Variants in TRDMT1 observed in about 807,000 individuals in gnomAD.
The protein encoded by TRDMT1 is tRNA aspartic acid methyltransferase 1.
A neutral mutation model predicts 51.2 loss-of-function variants in TRDMT1; 49 were observed. The ratio of observed to expected loss-of-function variants is 0.96; its 90% CI spans 0.76 to 1.21. The LOEUF (loss-of-function observed/expected upper bound fraction) is 1.21, where lower values mean the gene tolerates loss of function less well. TRDMT1 is among the 50% of genes most tolerant of loss of function. TRDMT1 has a pLI of 0.00. For synonymous variants in TRDMT1, 187 were observed against 164.6 expected, an observed-to-expected ratio of 1.14 and a Z score of -1.04; for missense variants, 534 against 462.3, an observed-to-expected ratio of 1.16 and a Z score of -1.42.
chr10:17,157,456 A>G lies in TRDMT1; in HGVS notation c.872T>C (p.Val291Ala). The G allele has an allele frequency of 7.5e-6, 12 of 1,607,628 alleles. No homozygotes were observed. The highest frequency in any genetic ancestry group is 9.4e-6 in the Non-Finnish European group (11 of 1,174,674). Residue 291 changes from valine to alanine, a missense_variant, in exon 8 of 11, where the codon GTG becomes GCG. By Grantham distance (64) the Val-to-Ala change is moderately conservative. Coordinates refer to ENST00000377799, the MANE Select transcript of TRDMT1 (RefSeq NM_004412.7). ...TAAAACCTACCCTTTGGTAAAGCAC[A>G]CGGACCTTCTACAAGTGGGCTGAAC... is the stretch of plus-strand genomic sequence containing the variant. ...DIVQPTCRRSVCFTKGYGSYI... is the reference protein window; with the variant it reads ...DIVQPTCRRSACFTKGYGSYI...
chr10:17,151,071 A>C (rs1838653329), intron 10 of TRDMT1: 1 of 910,660 alleles, frequency 1.1e-6, no homozygotes, highest in African/African-American at 1.8e-5. Flanking sequence ...GTTGGTGCAA[A>C]AGCATTGCAG....
chr10:17,155,637 T>C (rs1207131486), intron 8 of TRDMT1, among the ~76,000 whole-genome samples: 4 of 152,174 alleles, frequency 2.6e-5, no homozygotes, highest in Admixed American at 2.6e-4. Context: ...ACTTCAGAAA[T>C]GCAAGTCATT....
chr10:17,153,474 A>G (rs1340252719), intron 10 of TRDMT1, 33 bp downstream of exon 10: 3 of 1,609,738 alleles, frequency 1.9e-6, no homozygotes, highest in Admixed American at 1.7e-5. Flanking sequence ...GTTTTAATAC[A>G]TGAAAGCTGA....
chr10:17,176,655 T>C (rs576681438), intron 1 of TRDMT1, among the ~76,000 whole-genome samples: 2 of 152,220 alleles, frequency 1.3e-5, no homozygotes, highest in Non-Finnish European at 2.9e-5. Flanking sequence ...AAGATATTAC[T>C]GACACTAATT....
At position 17,139,543 on chromosome 10, in the gene TRDMT1, G is replaced by T. The variant is rs1837525498; in HGVS notation, c.*9497C>A. On this transcript the variant is annotated 3_prime_UTR_variant, in exon 11 of 11. Coordinates refer to ENST00000377799, the MANE Select transcript of TRDMT1 (RefSeq NM_004412.7). ...GAAGGAAAATGAAAAAAAAGAAAAA[G>T]AAAACAAAGTTTGGGGATACCTGGC... Among the ~76,000 whole-genome samples, 1 of 151,596 alleles carries T rather than the reference G, an allele frequency of 6.6e-6. No individual in the cohort carries two copies.
At chr10:17,201,119 A>G (rs2131649861) in intron 1 of TRDMT1, among the ~76,000 whole-genome samples, 1 of 151,818 alleles carries the variant, frequency 6.6e-6, no homozygotes, top group South Asian at 2.1e-4. Flanking sequence ...TGTAGCTATT[A>G]TCCCTTCCAA....
At position 17,144,162 on chromosome 10, in the gene TRDMT1, T is replaced by C; in HGVS notation, c.*4878A>G. 1.0e-6 allele frequency: 1 copy of C among 985,630 alleles called. No homozygotes were observed. The highest frequency in any genetic ancestry group is 4.7e-5 in the South Asian group (1 of 21,288). 61.1% of individuals were successfully genotyped at this position (985,630 alleles called of 1,614,324 possible). ...CAGCTCCAAGCCTCTGCTCTTCTTT[T>C]TCTCTTTCTCTCTTTCACTCTCATC... On this transcript the variant is annotated 3_prime_UTR_variant, in exon 11 of 11. Transcript: ENST00000377799.
intron 2 of TRDMT1, chr10:17,169,310 C>T: frequency 8.5e-7 from 1 of 1,176,126 alleles, no homozygotes; most frequent in South Asian, 1.7e-5. Flanking sequence ...AAATACCTAC[C>T]TGTCAATAAT....
At position 17,142,842 on chromosome 10, in the gene TRDMT1, G is replaced by A. The variant is rs1837795675; in HGVS notation, c.*6198C>T. 1 of 417,976 alleles carries A rather than the reference G, an allele frequency of 2.4e-6. No homozygotes were observed. The highest frequency in any genetic ancestry group is 2.2e-5 in the African/African-American group (1 of 46,360). 25.9% of individuals were successfully genotyped at this position (417,976 alleles called of 1,614,324 possible). Reference sequence around the variant, plus strand: ...GGGTCCCTCCGCAGTGTGTCTTCCTGGTCCCACCTTTCAGAATTCTCCTTC... The same window carrying A: ...GGGTCCCTCCGCAGTGTGTCTTCCTAGTCCCACCTTTCAGAATTCTCCTTC... On this transcript the variant is annotated 3_prime_UTR_variant, in exon 11 of 11. Coordinates refer to ENST00000377799, the MANE Select transcript of TRDMT1 (RefSeq NM_004412.7).
intron 10 of TRDMT1, 66 bp from the exon 11 acceptor site, chr10:17,149,206 T>C: frequency 2.8e-5 from 34 of 1,227,888 alleles, no homozygotes; most frequent in Non-Finnish European, 3.6e-5. Flanking sequence ...TGAAAGGATG[T>C]ATCCTTTAGT....
intron 2 of TRDMT1, among the ~76,000 whole-genome samples, chr10:17,170,833 G>T (rs1052334919): frequency 7.0e-6 from 1 of 142,876 alleles, no homozygotes; most frequent in Non-Finnish European, 1.6e-5. Flanking sequence ...ATTGTATATT[G>T]TATGCTGTAG....
intron 1 of TRDMT1, among the ~76,000 whole-genome samples, chr10:17,198,187 G>C (rs1845700582): frequency 6.6e-6 from 1 of 152,198 alleles, no homozygotes; most frequent in African/African-American, 2.4e-5. Flanking sequence ...TGGAGGTAGA[G>C]GAAACGGAGT....
chr10:17,165,593 T>C (rs1332027733), intron 3 of TRDMT1, among the ~76,000 whole-genome samples: 1 of 152,048 alleles, frequency 6.6e-6, no homozygotes, highest in Admixed American at 6.6e-5. Flanking sequence ...ACCTACAGAA[T>C]GGGAGAAAAT....
Position 17,147,299 on chromosome 10 carries a change from T to G in TRDMT1, c.*1741A>C, listed in dbSNP as rs1437861476. 9.1e-6 allele frequency: 9 copies of G among 985,640 alleles called. No individual in the cohort carries two copies. Among genetic ancestry groups the G allele is most frequent in the Non-Finnish European group, 1.1e-5 (9 of 829,902 alleles). 61.1% of individuals were successfully genotyped at this position (985,640 alleles called of 1,614,324 possible). A position where few individuals can be genotyped will look rare whatever the true frequency, so the allele number is the denominator to read the frequency against. On this transcript the variant is annotated 3_prime_UTR_variant, in exon 11 of 11. Coordinates refer to ENST00000377799, the MANE Select transcript of TRDMT1 (RefSeq NM_004412.7). Reference sequence around the variant, plus strand: ...TATGAAAAATGTAGATAGTGATAGTTTCTGTATATGGGCTGGCTTACAGCT... The same window carrying G: ...TATGAAAAATGTAGATAGTGATAGTGTCTGTATATGGGCTGGCTTACAGCT...
At chr10:17,153,430 T>A (rs767671774) in intron 10 of TRDMT1, 77 bp downstream of exon 10, 2 of 1,552,674 alleles carry the variant, frequency 1.3e-6, no homozygotes, top group Non-Finnish European at 1.8e-6. Flanking sequence ...TTTAGGCAAG[T>A]CCTAGACACA....
chr10:17,192,590 C>A (rs180801050), intron 1 of TRDMT1, among the ~76,000 whole-genome samples: 74 of 152,290 alleles, frequency 4.9e-4, no homozygotes, highest in African/African-American at 1.8e-3. Flanking sequence ...GCTCTCCTTC[C>A]CCGCAAAACA....
chr10:17,177,180 T>TTTTATTTATTTATTTATTTA (rs60893968), intron 1 of TRDMT1, among the ~76,000 whole-genome samples: 40,032 of 141,246 alleles, frequency 0.28, 6,165 homozygotes, highest in Middle Eastern at 0.4. Flanking sequence ...AACACATTTA[T>TTTTATTTATTTATTTATTTA]TTTATTTATT....
rs1042040274 is a variant in TRDMT1, at chr10:17,139,613, C to T, written c.*9427G>A. Among the ~76,000 whole-genome samples, 4 of 152,152 alleles carry T rather than the reference C, an allele frequency of 2.6e-5. No individual in the cohort carries two copies. In the East Asian group the frequency reaches 5.8e-4, roughly 22 times the overall value. On this transcript the variant is annotated 3_prime_UTR_variant, in exon 11 of 11. Transcript: ENST00000377799. ...TTGTACCTTTAATTGGGAAGATAGA[C>T]GCAGAAGCAGTACACACAGGCATCT... is the stretch of plus-strand genomic sequence containing the variant.
rs1588709281 is a variant in TRDMT1, at chr10:17,153,228, T to C, written c.1075+279A>G. The C allele has an allele frequency of 1.5e-5, 7 of 468,490 alleles. No homozygotes were observed. The East Asian group carries it at 2.2e-4, about 15-fold the overall frequency. 29.0% of individuals were successfully genotyped at this position (468,490 alleles called of 1,614,324 possible). The stretch of plus-strand genomic sequence containing the variant: ...AAAGGGGATGCTATGCACAGCCATC[T>C]GTGGAAAGAGGCAAGGAGTTGCCAA... On this transcript the variant is annotated intron_variant, in intron 10 of 10. Transcript: ENST00000377799.
Sources: gnomAD v4.1 joint callset for allele counts (sites outside exome capture counted in the v4.1 genomes callset) on GRCh38, gnomAD v4.1.1 for gene constraint, MANE v1.5 for transcripts, NCBI Gene and HGNC (gene_info 2026-07-23, HGNC 2026-07-21) for gene names.